GLB1L: variants seen among roughly 807,000 people sequenced by gnomAD.
The protein encoded by GLB1L is galactosidase beta 1 like.
In GLB1L, 58 loss-of-function variants were observed where a neutral mutation model predicts 75.7. That is an observed-to-expected ratio of 0.77 (90% CI 0.62 to 0.95). The LOEUF (loss-of-function observed/expected upper bound fraction) is 0.95. Among genes scored for constraint, GLB1L ranks in the 40% least tolerant of loss-of-function variants. The probability of loss-of-function intolerance (pLI) is 0.00; values close to 1 mark genes in which losing one functional copy is unlikely to be tolerated. For missense variants in GLB1L, 797 were observed against 805.5 expected (o/e 0.99, Z 0.13); for synonymous variants, 296 against 303.0 (o/e 0.98, Z 0.24).
At chr2:219,238,054 G>A (rs774747244) in intron 14 of GLB1L, 97 bp from the exon 15 acceptor site, 44 of 1,285,504 alleles carry the variant, frequency 3.4e-5, no homozygotes, top group Non-Finnish European at 4.5e-5. Flanking sequence ...GGAGGGCAGA[G>A]AGAATGTAGC....
Position 219,240,071 on chromosome 2 carries a change from G to GT in GLB1L, c.569dup (p.Tyr190Ter). The GT allele has an allele frequency of 6.2e-7, 1 of 1,614,124 alleles. No individual in the cohort carries two copies. The highest frequency in any genetic ancestry group is 8.5e-7 in the Non-Finnish European group (1 of 1,180,052). The change falls in exon 7 of 17, where the codon TAC becomes TAAC. Residue 190 changes from tyrosine to a stop codon, truncating the protein, a stop_gained and frameshift_variant. Transcript: ENST00000295759. LOFTEE classifies it high-confidence loss of function. ...SIQVENEYGS[Y>*]RACDFSYMRH... is the part of the protein sequence containing the mutation. ...TCATGTAGCTGAAGTCACAGGCTCT[G>GT]TAGCTACCATATTCATTCTCCACCT...
intron 13 of GLB1L, 37 bp downstream of exon 13, chr2:219,238,457 AG>A: frequency 6.3e-7 from 1 of 1,585,560 alleles, no homozygotes; most frequent in Non-Finnish European, 8.7e-7. Flanking sequence ...CTGTTAAGGG[AG>A]GTTGTCATCT....
Position 219,236,884 on chromosome 2 carries a change from G to C in GLB1L, c.*188C>G. On this transcript the variant is annotated 3_prime_UTR_variant, in exon 17 of 17. Coordinates refer to ENST00000295759, the MANE Select transcript of GLB1L (RefSeq NM_001286423.2). ...GATTCAAGCAATTCTCCTGCCCTCA[G>C]CCTCCCAAGTAGCTGGGATTAGAGG... The C allele has an allele frequency of 2.1e-6, 1 of 485,650 alleles. No homozygotes were observed. Among genetic ancestry groups the C allele is most frequent in the Non-Finnish European group, 3.7e-6 (1 of 270,874 alleles). The allele number at this position is 485,650 out of a possible 1,614,324, so 30.1% of individuals were successfully genotyped here.
At chr2:219,238,931 C>T (rs1951319778) in intron 11 of GLB1L, 152 bp from the exon 12 acceptor site, 1 of 858,500 alleles carries the variant, frequency 1.2e-6, no homozygotes, top group Non-Finnish European at 1.9e-6. Context: ...TGTCTTCACA[C>T]ATAGTCCCAT....
Position 219,239,196 on chromosome 2 carries a change from C to T in GLB1L, c.958G>A (p.Gly320Arg). 1 of 1,612,008 alleles carries T rather than the reference C, an allele frequency of 6.2e-7. No homozygotes were observed. The highest frequency in any genetic ancestry group is 8.5e-7 in the Non-Finnish European group (1 of 1,179,186). Residue 320 changes from glycine to arginine, a missense_variant, in exon 11 of 17, where the codon GGA becomes AGA. Gly to Arg is a moderately radical substitution (Grantham distance 125). Transcript: ENST00000295759. Reference protein sequence around the residue: ...FGYWNGADKKGRFLPITTSYD... With the variant: ...FGYWNGADKKRRFLPITTSYD... ...CTGGTAGTAATCGGAAGGAAGCGTC[C>T]CTTCTTATCGGCACCTGAAGTTGAG...
chr2:219,242,446 T>C (rs766264972), intron 5 of GLB1L, 68 bp downstream of exon 5: 17 of 1,138,656 alleles, frequency 1.5e-5, no homozygotes, highest in Non-Finnish European at 2.0e-5. Context: ...TGGTCTCTTC[T>C]GCTTTTGGCA....
chr2:219,237,108 C>T lies in GLB1L; in HGVS notation c.1929G>A (p.Leu643=), dbSNP rs1559262095. 1.2e-6 allele frequency: 2 copies of T among 1,612,134 alleles called. No homozygotes were observed. The highest frequency in any genetic ancestry group is 3.3e-5 in the Admixed American group (2 of 59,986). Reference sequence around the variant, plus strand: ...TTAACTCCATTGGTTCAGAGGCACTCAGTGTATCAGCTGAAAGGGAATTGA... The same window carrying T: ...TTAACTCCATTGGTTCAGAGGCACTTAGTGTATCAGCTGAAAGGGAATTGA... ...THINSLSADT[L]SASEPMELSG... is the part of the protein sequence containing the mutation. Residue 643 remains leucine (L), a synonymous_variant, in exon 17 of 17, where the codon CTG becomes CTA. Coordinates refer to ENST00000295759, the MANE Select transcript of GLB1L (RefSeq NM_001286423.2).
Position 219,237,260 on chromosome 2 carries a change from G to A in GLB1L, c.1777C>T (p.Leu593=), listed in dbSNP as rs888367513. Residue 593 remains leucine (L), a synonymous_variant, in exon 17 of 17, where the codon CTG becomes TTG. Transcript: ENST00000295759. Reference sequence around the variant, plus strand: ...TTGTTGAGGGCTCCCCTAGGAAACAGCAGGAATCTTGGCACGTAGAGGGTC... The same window carrying A: ...TTGTTGAGGGCTCCCCTAGGAAACAACAGGAATCTTGGCACGTAGAGGGTC... The part of the protein sequence containing the change: ...QQTLYVPRFL[L]FPRGALNKIT... The A allele has an allele frequency of 6.2e-7, 1 of 1,614,108 alleles. No individual in the cohort carries two copies. Among genetic ancestry groups the A allele is most frequent in the African/African-American group, 1.3e-5 (1 of 74,942 alleles).
intron 5 of GLB1L, 92 bp downstream of exon 5, chr2:219,242,422 C>T: frequency 1.1e-6 from 1 of 904,452 alleles, no homozygotes; most frequent in African/African-American, 1.6e-5. Context: ...GAATGATGAC[C>T]TCCAATTTGG....
rs764566773 is a variant in GLB1L, at chr2:219,237,046, A to G, written c.*26T>C. 4.5e-6 allele frequency: 7 copies of G among 1,564,822 alleles called. No individual in the cohort carries two copies. The highest frequency in any genetic ancestry group is 6.1e-6 in the Non-Finnish European group (7 of 1,142,744). Reference sequence around the variant, plus strand: ...CTCCCAAAGTGCTGGGATTACAGGCATGAGCCACCATGCCCGGCCTACCTT... The same window carrying G: ...CTCCCAAAGTGCTGGGATTACAGGCGTGAGCCACCATGCCCGGCCTACCTT... On this transcript the variant is annotated 3_prime_UTR_variant, in exon 17 of 17. Transcript: ENST00000295759.
Position 219,238,838 on chromosome 2 carries a change from A to G in GLB1L, c.1063-59T>C, listed in dbSNP as rs547440047. ...ACCACAGAAAACAATACCTATTCCAAGACTCTAGGGCAGAGTTCCTAACCT... is the reference window on the plus strand; with the variant it reads ...ACCACAGAAAACAATACCTATTCCAGGACTCTAGGGCAGAGTTCCTAACCT... On this transcript the variant is annotated intron_variant, in intron 11 of 16. Transcript: ENST00000295759. 8.0e-5 allele frequency: 117 copies of G among 1,464,404 alleles called. No homozygotes were observed. The African/African-American group carries it at 1.6e-3, about 20-fold the overall frequency. 90.7% of individuals were successfully genotyped at this position (1,464,404 alleles called of 1,614,324 possible).
chr2:219,243,440 T>C, intron 2 of GLB1L, 62 bp downstream of exon 2: 1 of 1,604,238 alleles, frequency 6.2e-7, no homozygotes, highest in Non-Finnish European at 8.5e-7. Context: ...GGACTTTCTC[T>C]CATCCGCTGG....
At chr2:219,239,867 T>C in intron 7 of GLB1L, 34 bp from the exon 8 acceptor site, 4 of 1,614,108 alleles carry the variant, frequency 2.5e-6, no homozygotes, top group Non-Finnish European at 2.5e-6. Context: ...AAGATAAATG[T>C]CGTGGAAGAG....
Position 219,241,438 on chromosome 2 carries a change from G to GTATATATATATATA in GLB1L, c.451+1075_451+1076insTATATATATATATA, listed in dbSNP as rs1210794187. Among the ~76,000 whole-genome samples, 38 of 85,156 alleles carry GTATATATATATATA rather than the reference G, an allele frequency of 4.5e-4. No individual in the cohort carries two copies. In the East Asian group the frequency reaches 7.3e-3, roughly 16 times the overall value. 55.9% of individuals were successfully genotyped at this position (85,156 alleles called of 152,430 possible). ...TGTGTGTGTGTGTGTGTGTGTGTGTGTGTGTATATATATATATATATATAT... is the reference window on the plus strand; with the variant it reads ...TGTGTGTGTGTGTGTGTGTGTGTGTGTATATATATATATATGTGTATATATATATATATATATAT... On this transcript the variant is annotated intron_variant, in intron 5 of 16. Transcript: ENST00000295759.
At chr2:219,242,713 T>A (rs76040152) in intron 4 of GLB1L, 55 bp downstream of exon 4, 31,023 of 1,595,888 alleles carry the variant, frequency 0.019, 456 homozygotes, top group South Asian at 0.047. Context: ...CAGATGGGAG[T>A]AGTCTAGGAA....
In GLB1L at chr2:219,239,826, G is replaced by A. The variant is rs1260894585; in HGVS notation, c.729C>T (p.Asn243=). The change falls in exon 8 of 17, where the codon AAC becomes AAT. Residue 243 remains asparagine (N), a synonymous_variant. Transcript: ENST00000295759. ...YTTVDFGPAD[N]MTKIFTLLRK... ...GAAGCAGGGTAAAGATTTTGGTCAT[G>A]TTGTCAGCTGCGGAAAGGAGGCAAA... The A allele has an allele frequency of 1.9e-6, 3 of 1,614,208 alleles. No individual in the cohort carries two copies. In the Admixed American group the frequency reaches 5.0e-5, roughly 27 times the overall value.
intron 1 of GLB1L, 184 bp from the exon 2 acceptor site, chr2:219,243,827 C>T: frequency 2.2e-6 from 1 of 461,794 alleles, no homozygotes; most frequent in East Asian, 4.1e-5. Context: ...GAGAATCTGG[C>T]TGGGCACGAT....
In GLB1L at chr2:219,238,310, T is replaced by C; in HGVS notation, c.1281A>G (p.Pro427=). The C allele has an allele frequency of 6.2e-7, 1 of 1,613,086 alleles. No homozygotes were observed. The highest frequency in any genetic ancestry group is 1.1e-5 in the South Asian group (1 of 91,000). ...CATTATTTGGCACCCAGAATGGTGT[T>C]GGCTCAAAAATGGTATGGGTCATAT... The part of the protein sequence containing the change: ...RTYMTHTIFE[P]TPFWVPNNGV... Residue 427 remains proline (P), a synonymous_variant, in exon 14 of 17, where the codon CCA becomes CCG. Coordinates refer to ENST00000295759, the MANE Select transcript of GLB1L (RefSeq NM_001286423.2).
intron 5 of GLB1L, among the ~76,000 whole-genome samples, chr2:219,241,027 G>A (rs561931825): frequency 6.6e-6 from 1 of 151,972 alleles, no homozygotes; most frequent in South Asian, 2.1e-4. Flanking sequence ...GTTGCAGTGA[G>A]CCAAGGTCAC....
Sources: allele counts gnomAD v4.1 joint callset (sites outside exome capture counted in the v4.1 genomes callset), GRCh38; gene constraint gnomAD v4.1.1; transcripts MANE v1.5; gene names NCBI Gene and HGNC (gene_info 2026-07-23, HGNC 2026-07-21).